The following DYM variants were observed in gnomAD, a reference collection of about 807,000 sequenced individuals.
The protein encoded by DYM is dymeclin.
DYM carries 78 observed loss-of-function variants against 93.1 expected under a neutral mutation model. That is an observed-to-expected ratio of 0.84 (90% CI 0.70 to 1.01). The LOEUF (loss-of-function observed/expected upper bound fraction) is 1.01, where lower values mean the gene tolerates loss of function less well. Among genes scored for constraint, DYM ranks in the 50% least tolerant of loss-of-function variants. DYM has a pLI of 0.00. For synonymous variants in DYM, 321 were observed against 319.7 expected (o/e 1.00, Z -0.04); for missense variants, 789 against 845.0 (o/e 0.93, Z 0.82).
chr18:49,282,482 G>A (rs565752403), intron 9 of DYM, among the ~76,000 whole-genome samples: 18 of 152,200 alleles, frequency 1.2e-4, no homozygotes, highest in Non-Finnish European at 1.8e-4. Context: ...GCATGGTGGC[G>A]TGGGCCTGTA....
chr18:49,310,758 A>C (rs952520339), intron 8 of DYM, among the ~76,000 whole-genome samples: 2 of 152,200 alleles, frequency 1.3e-5, no homozygotes, highest in Non-Finnish European at 2.9e-5. Flanking sequence ...TACATTAAAA[A>C]ACATATATGC....
intron 2 of DYM, among the ~76,000 whole-genome samples, chr18:49,392,681 TAAAA>T (rs869086187): frequency 8.8e-5 from 6 of 68,500 alleles, no homozygotes; most frequent in East Asian, 4.7e-4. Flanking sequence ...GGCTTTTATT[TAAAA>T]AAAAAAAAAA....
chr18:49,041,949 C>G lies in DYM; in HGVS notation c.*2106G>C, dbSNP rs2070956810. 6.6e-6 allele frequency: 1 copy of G among 152,244 alleles called. No homozygotes were observed. The highest frequency in any genetic ancestry group is 2.4e-5 in the African/African-American group (1 of 41,458). 9.4% of individuals were successfully genotyped at this position (152,244 alleles called of 1,614,324 possible). A position where few individuals can be genotyped will look rare whatever the true frequency, so the allele number is the denominator to read the frequency against. ...TTCTGTGGTCCTGCCAGAAGCTCAG[C>G]TGTTCCACATGACCCTTAAACATTT... On this transcript the variant is annotated 3_prime_UTR_variant, in exon 18 of 18. Coordinates refer to ENST00000675505, the MANE Select transcript of DYM (RefSeq NM_001353214.3).
In DYM at chr18:49,166,048, G is replaced by A. The variant is rs2145133572; in HGVS notation, c.1626-2261C>T. Among the ~76,000 whole-genome samples the A allele has an allele frequency of 1.3e-5, 2 of 152,040 alleles. 1 individual carries two copies. Among genetic ancestry groups the A allele is most frequent in the African/African-American group, 4.8e-5 (2 of 41,502 alleles). ...TTTTTCCAATCATTTTATTTTTCTGGGTCTTCTCCATTTGAGGTTTAGTTT... is the reference window on the plus strand; with the variant it reads ...TTTTTCCAATCATTTTATTTTTCTGAGTCTTCTCCATTTGAGGTTTAGTTT... On this transcript the variant is annotated intron_variant, in intron 14 of 17. Coordinates refer to ENST00000675505, the MANE Select transcript of DYM (RefSeq NM_001353214.3).
intron 8 of DYM, among the ~76,000 whole-genome samples, chr18:49,296,668 A>C (rs775658564): frequency 1.6e-4 from 24 of 152,130 alleles, no homozygotes; most frequent in Non-Finnish European, 2.4e-4. Context: ...CTTTTTACTA[A>C]ATGTTTAGAT....
intron 1 of DYM, among the ~76,000 whole-genome samples, chr18:49,442,915 T>C (rs2081775801): frequency 6.6e-6 from 1 of 151,620 alleles, no homozygotes; most frequent in African/African-American, 2.4e-5. Flanking sequence ...TGGAGTGCAG[T>C]GGAGTAATCT....
At chr18:49,280,499 G>A (rs1055022826) in intron 10 of DYM, among the ~76,000 whole-genome samples, 1 of 152,174 alleles carries the variant, frequency 6.6e-6, no homozygotes, top group African/African-American at 2.4e-5. Context: ...GCAGATGGCA[G>A]CGACCGAGAT....
At chr18:49,191,535 G>T (rs1477911961) in intron 14 of DYM, among the ~76,000 whole-genome samples, 1 of 152,008 alleles carries the variant, frequency 6.6e-6, no homozygotes, top group Admixed American at 6.6e-5. Flanking sequence ...GGAAAACAAG[G>T]ACATTATTAT....
chr18:49,070,542 T>G (rs2076805227), intron 17 of DYM, among the ~76,000 whole-genome samples: 1 of 152,162 alleles, frequency 6.6e-6, no homozygotes, highest in Admixed American at 6.5e-5. Context: ...GTGAACAGTC[T>G]TCTTTTGCCT....
At chr18:49,234,041 A>G (rs2093786413) in intron 13 of DYM, among the ~76,000 whole-genome samples, 1 of 152,134 alleles carries the variant, frequency 6.6e-6, no homozygotes, top group Non-Finnish European at 1.5e-5. Flanking sequence ...AGGCAGGAGA[A>G]TGGCATGAAC....
chr18:49,242,280 G>T (rs146027697), intron 13 of DYM, among the ~76,000 whole-genome samples: 2 of 152,274 alleles, frequency 1.3e-5, no homozygotes, highest in African/African-American at 4.8e-5. Context: ...TGAGCATGGT[G>T]GTGTGTGCCT....
chr18:49,404,074 C>A (rs765515184), intron 2 of DYM, among the ~76,000 whole-genome samples: 2 of 151,928 alleles, frequency 1.3e-5, no homozygotes, highest in African/African-American at 2.4e-5. Flanking sequence ...ATGGCACAAT[C>A]TCGGCTCACT....
chr18:49,219,349 C>A (rs1348334570), intron 13 of DYM, among the ~76,000 whole-genome samples: 1 of 152,206 alleles, frequency 6.6e-6, no homozygotes, highest in Non-Finnish European at 1.5e-5. Context: ...TGGTACCATT[C>A]CTTCAGAAAC....
chr18:49,160,753 C>T (rs1438810667), intron 15 of DYM, among the ~76,000 whole-genome samples: 1 of 152,120 alleles, frequency 6.6e-6, no homozygotes, highest in Non-Finnish European at 1.5e-5. Context: ...AAGGAAGGAA[C>T]ATGTTCATTT....
intron 2 of DYM, among the ~76,000 whole-genome samples, chr18:49,400,657 A>G (rs1178916087): frequency 1.3e-5 from 2 of 152,174 alleles, no homozygotes; most frequent in African/African-American, 4.8e-5. Context: ...AGTTATTTCT[A>G]CAGAAGAAAT....
intron 13 of DYM, among the ~76,000 whole-genome samples, chr18:49,236,650 T>C (rs911718186): frequency 2.0e-5 from 3 of 152,134 alleles, no homozygotes; most frequent in African/African-American, 7.2e-5. Flanking sequence ...CAGGGGTAAA[T>C]TCCAAGAGCC....
chr18:49,345,937 A>T (rs1353379997), intron 6 of DYM, among the ~76,000 whole-genome samples: 1 of 152,224 alleles, frequency 6.6e-6, no homozygotes, highest in Non-Finnish European at 1.5e-5. Flanking sequence ...GATTAAATAT[A>T]TTTTGACACT....
At chr18:49,246,281 G>C (rs535978576) in intron 13 of DYM, among the ~76,000 whole-genome samples, 4 of 152,284 alleles carry the variant, frequency 2.6e-5, no homozygotes, top group African/African-American at 9.6e-5. Context: ...GGACACGTGA[G>C]CCACTTTAAA....
At chr18:49,080,272 A>G (rs2077764338) in intron 17 of DYM, among the ~76,000 whole-genome samples, 2 of 120,026 alleles carry the variant, frequency 1.7e-5, no homozygotes, top group African/African-American at 3.3e-5. Flanking sequence ...CTCACTTCCC[A>G]GTAGGGGCGG....
Sources: allele counts gnomAD v4.1 joint callset (sites outside exome capture counted in the v4.1 genomes callset), GRCh38; gene constraint gnomAD v4.1.1; transcripts MANE v1.5; gene names NCBI Gene and HGNC (gene_info 2026-07-23, HGNC 2026-07-21).